Variants in PARD3B observed in about 807,000 individuals in gnomAD.
PARD3B encodes partitioning defective 3 homolog B.
PARD3B carries 103 observed loss-of-function variants against 130.2 expected under a neutral mutation model. The ratio of observed to expected loss-of-function variants is 0.79; its 90% CI spans 0.67 to 0.93. The LOEUF is 0.93. Among genes scored for constraint, PARD3B ranks in the 40% least tolerant of loss-of-function variants. PARD3B has a pLI of 0.00. For missense variants in PARD3B, 1,609 were observed against 1,499.2 expected (o/e 1.07, Z -1.21); for synonymous variants, 583 against 553.2 (o/e 1.05, Z -0.76).
At chr2:205,586,125 C>T (rs1168230638) in intron 22 of PARD3B, among the ~76,000 whole-genome samples, 1 of 152,200 alleles carries the variant, frequency 6.6e-6, no homozygotes, top group African/African-American at 2.4e-5. Flanking sequence ...AATTCTCTGT[C>T]TTGGATCTTC....
rs138255178 is a variant in PARD3B, at chr2:204,716,779, C to A, written c.222+30497C>A. On this transcript the variant is annotated intron_variant, in intron 2 of 22. Transcript: ENST00000406610. ...CTGGGACCACAGGCGCCCGCCACCA[C>A]GCCTGGCTAATTTTTTGTATTTTTA... 7.2e-4 allele frequency among the ~76,000 whole-genome samples: 110 copies of A among 151,948 alleles called. 2 individuals carry two copies. In the East Asian group the frequency reaches 0.018, roughly 25 times the overall value.
chr2:205,252,086 CT>C (rs1383689868), intron 16 of PARD3B, among the ~76,000 whole-genome samples: 1 of 152,110 alleles, frequency 6.6e-6, no homozygotes, highest in Non-Finnish European at 1.5e-5. Context: ...ATAATGTGGT[CT>C]GTAAAATTCA....
At chr2:205,389,326 G>A (rs566886042) in intron 18 of PARD3B, among the ~76,000 whole-genome samples, 190 of 152,190 alleles carry the variant, frequency 1.2e-3, no homozygotes, top group Non-Finnish European at 2.3e-3. Context: ...ACTCTTCTAT[G>A]AAAGAGTACA....
chr2:204,570,088 A>G (rs1404081255), intron 1 of PARD3B, among the ~76,000 whole-genome samples: 1 of 152,140 alleles, frequency 6.6e-6, no homozygotes, highest in African/African-American at 2.4e-5. Context: ...TGGAGTCAAG[A>G]TATTGGGGCC....
intron 2 of PARD3B, among the ~76,000 whole-genome samples, chr2:204,819,256 T>C (rs1361925154): frequency 6.6e-6 from 1 of 152,248 alleles, no homozygotes; most frequent in African/African-American, 2.4e-5. Context: ...ATGTGCTTGC[T>C]TCACATGTCA....
chr2:205,362,253 A>T (rs2105882739), intron 18 of PARD3B, among the ~76,000 whole-genome samples: 1 of 152,356 alleles, frequency 6.6e-6, no homozygotes, highest in South Asian at 2.1e-4. Flanking sequence ...TATACAATTA[A>T]TGTCAGAGCA....
chr2:204,712,252 T>A (rs1316646816), intron 2 of PARD3B, among the ~76,000 whole-genome samples: 1 of 152,172 alleles, frequency 6.6e-6, no homozygotes, highest in Non-Finnish European at 1.5e-5. Context: ...TTAAAAATTG[T>A]GTTAGGACTT....
chr2:205,471,347 ACTTTT>A (rs2048822261), intron 20 of PARD3B, among the ~76,000 whole-genome samples: 2 of 129,092 alleles, frequency 1.5e-5, no homozygotes, highest in Admixed American at 1.5e-4. Flanking sequence ...GTGCAAACTC[ACTTTT>A]CTTTTTTTTT....
intron 15 of PARD3B, among the ~76,000 whole-genome samples, chr2:205,233,782 T>C (rs2038947010): frequency 1.3e-5 from 2 of 152,202 alleles, no homozygotes; most frequent in Non-Finnish European, 2.9e-5. Flanking sequence ...ACACAAAGCC[T>C]ATTTTACAAT....
intron 15 of PARD3B, among the ~76,000 whole-genome samples, chr2:205,221,139 T>TCCC (rs1333218793): frequency 6.6e-6 from 1 of 152,112 alleles, no homozygotes; most frequent in Non-Finnish European, 1.5e-5. Flanking sequence ...AAATGCAGAG[T>TCCC]CCCACAGATT....
intron 3 of PARD3B, among the ~76,000 whole-genome samples, chr2:205,000,976 G>A (rs1232812700): frequency 6.6e-6 from 1 of 151,914 alleles, no homozygotes; most frequent in Non-Finnish European, 1.5e-5. Context: ...CTTTTACGAG[G>A]TGTTTTTTGT....
intron 18 of PARD3B, among the ~76,000 whole-genome samples, chr2:205,364,333 G>A (rs185662081): frequency 7.9e-5 from 12 of 152,216 alleles, no homozygotes; most frequent in Admixed American, 4.6e-4. Context: ...TAGTCTTGAC[G>A]TAGATAAGAG....
intron 4 of PARD3B, among the ~76,000 whole-genome samples, chr2:205,081,202 A>G (rs1701384687): frequency 6.6e-6 from 1 of 152,076 alleles, no homozygotes; most frequent in South Asian, 2.1e-4. Flanking sequence ...TTCCCAAATC[A>G]TAAGCATATT....
chr2:204,596,904 G>T (rs1233745427), intron 1 of PARD3B, among the ~76,000 whole-genome samples: 1 of 151,494 alleles, frequency 6.6e-6, no homozygotes, highest in Non-Finnish European at 1.5e-5. Flanking sequence ...GGCAACAAGA[G>T]AGAAACTCAC....
intron 2 of PARD3B, among the ~76,000 whole-genome samples, chr2:204,800,702 G>C (rs2042537191): frequency 6.6e-6 from 1 of 152,168 alleles, no homozygotes; most frequent in African/African-American, 2.4e-5. Flanking sequence ...CTGTGCAGAA[G>C]CTCTTTAGTT....
chr2:204,548,051 AAGT>A (rs1559148992), intron 1 of PARD3B, among the ~76,000 whole-genome samples: 1 of 152,146 alleles, frequency 6.6e-6, no homozygotes, highest in Non-Finnish European at 1.5e-5. Context: ...TCATTTTAAG[AAGT>A]AGTAGGTGAT....
At chr2:205,191,075 G>GAAAAAAAAAAAAAAA (rs5837960) in intron 14 of PARD3B, among the ~76,000 whole-genome samples, 3 of 97,730 alleles carry the variant, frequency 3.1e-5, no homozygotes, top group Non-Finnish European at 4.6e-5. Flanking sequence ...GAAAGAAATA[G>GAAAAAAAAAAAAAAA]AAAAAAAAAA....
intron 4 of PARD3B, among the ~76,000 whole-genome samples, chr2:205,060,669 A>AT (rs1700014706): frequency 6.6e-6 from 1 of 152,120 alleles, no homozygotes; most frequent in East Asian, 1.9e-4. Flanking sequence ...ATATGTTAAT[A>AT]ATAGTGATAA....
intron 2 of PARD3B, among the ~76,000 whole-genome samples, chr2:204,758,539 G>C (rs1269207142): frequency 6.6e-6 from 1 of 152,192 alleles, no homozygotes; most frequent in East Asian, 1.9e-4. Context: ...CTGCACAGAA[G>C]AATCACTTAG....
Sources: allele counts gnomAD v4.1 joint callset (sites outside exome capture counted in the v4.1 genomes callset), GRCh38; gene constraint gnomAD v4.1.1; transcripts MANE v1.5; gene names NCBI Gene and HGNC (gene_info 2026-07-23, HGNC 2026-07-21).